Variants in MAP4K3 observed in about 807,000 individuals in gnomAD.
MAP4K3 encodes the protein MAPK/ERK kinase kinase kinase 3.
In MAP4K3, 94 loss-of-function variants were observed where a neutral mutation model predicts 143.5. The ratio of observed to expected loss-of-function variants is 0.65; its 90% confidence interval spans 0.55 to 0.78. MAP4K3 has a LOEUF of 0.78. Among genes scored for constraint, MAP4K3 ranks in the 30% least tolerant of loss-of-function variants. The pLI is 0.00. For missense variants in MAP4K3, 1,077 were observed against 1,068.1 expected, an observed-to-expected ratio of 1.01 and a Z score of -0.12; for synonymous variants, 416 against 347.2, an observed-to-expected ratio of 1.20 and a Z score of -2.20.
At chr2:39,254,638 C>G (rs1680278235) in intron 31 of MAP4K3, 118 bp from the exon 32 acceptor site, 1 of 673,920 alleles carries the variant, frequency 1.5e-6, no homozygotes, top group Non-Finnish European at 2.6e-6. Flanking sequence ...GTCAGCTATT[C>G]CATATTTATA....
chr2:39,254,592 CTA>C (rs1680275166), intron 31 of MAP4K3, 72 bp from the exon 32 acceptor site: 2 of 1,027,898 alleles, frequency 1.9e-6, no homozygotes, highest in Non-Finnish European at 1.5e-6. Context: ...TTTCATCCCT[CTA>C]TCTCATACAG....
chr2:39,398,029 T>C (rs926860850), intron 1 of MAP4K3, among the ~76,000 whole-genome samples: 1 of 151,954 alleles, frequency 6.6e-6, no homozygotes, highest in African/African-American at 2.4e-5. Context: ...CCCTCATATA[T>C]TGCTGCTGAA....
At chr2:39,274,665 C>G (rs1681173452) in intron 24 of MAP4K3, among the ~76,000 whole-genome samples, 1 of 152,112 alleles carries the variant, frequency 6.6e-6, no homozygotes, top group Admixed American at 6.5e-5. Context: ...CTTCTATATT[C>G]TGCCTAGACT....
At position 39,337,449 on chromosome 2, in the gene MAP4K3, T is replaced by C. The variant is rs1251197082; in HGVS notation, c.366+77A>G. On this transcript the variant is annotated intron_variant, in intron 5 of 33. Transcript: ENST00000263881. The stretch of plus-strand genomic sequence containing the variant: ...AAACTAAAATATTTAGTTCTTACTT[T>C]GCTGAACAGGTAATGCACAGTAAGT... The C allele has an allele frequency of 4.0e-6, 4 of 1,012,620 alleles. No individual in the cohort carries two copies. In the Middle Eastern group the frequency reaches 9.5e-4, roughly 239 times the overall value. The allele number at this position is 1,012,620 out of a possible 1,614,324, so 62.7% of individuals were successfully genotyped here.
At chr2:39,268,155 C>T (rs561763890) in intron 26 of MAP4K3, among the ~76,000 whole-genome samples, 10 of 151,992 alleles carry the variant, frequency 6.6e-5, no homozygotes, top group Non-Finnish European at 1.3e-4. Flanking sequence ...ACATCTGACT[C>T]GAATTTAATA....
At chr2:39,258,257 C>CTTAATAATATCAATCT in intron 31 of MAP4K3, 91 bp downstream of exon 31, 1 of 914,846 alleles carries the variant, frequency 1.1e-6, no homozygotes, top group East Asian at 2.7e-5. Context: ...AAAAAAGAAT[C>CTTAATAATATCAATCT]TTAATAATAT....
At chr2:39,373,254 A>T (rs1186218038) in intron 2 of MAP4K3, among the ~76,000 whole-genome samples, 4 of 152,220 alleles carry the variant, frequency 2.6e-5, no homozygotes, top group African/African-American at 9.6e-5. Flanking sequence ...ATCTCCCCTT[A>T]TTCAAAATGC....
intron 2 of MAP4K3, among the ~76,000 whole-genome samples, chr2:39,372,685 G>A (rs1265501125): frequency 6.6e-6 from 1 of 152,042 alleles, no homozygotes; most frequent in Non-Finnish European, 1.5e-5. Flanking sequence ...CATACACTGG[G>A]GAAAGGACAG....
intron 26 of MAP4K3, among the ~76,000 whole-genome samples, chr2:39,269,526 G>C (rs1391799819): frequency 4.8e-5 from 7 of 144,666 alleles, no homozygotes; most frequent in Non-Finnish European, 8.9e-5. Context: ...CCAGGATGGA[G>C]TGCAGTGGCT....
chr2:39,307,575 G>A (rs553654383), intron 15 of MAP4K3, among the ~76,000 whole-genome samples: 26 of 151,186 alleles, frequency 1.7e-4, no homozygotes, highest in South Asian at 6.2e-4. Context: ...CATATGAATT[G>A]TTTATATATA....
At chr2:39,312,903 T>A (rs1459644671) in intron 13 of MAP4K3, among the ~76,000 whole-genome samples, 3 of 152,228 alleles carry the variant, frequency 2.0e-5, no homozygotes, top group African/African-American at 7.2e-5. Flanking sequence ...TATTGCCACC[T>A]GTGAACATGC....
chr2:39,280,555 C>G (rs1253608813), intron 22 of MAP4K3, among the ~76,000 whole-genome samples, 199 bp from the exon 23 acceptor site: 1 of 151,624 alleles, frequency 6.6e-6, no homozygotes, highest in Non-Finnish European at 1.5e-5. Context: ...TTTCCAGGTG[C>G]CACAATAATT....
chr2:39,316,924 C>A (rs566100456), intron 12 of MAP4K3, among the ~76,000 whole-genome samples: 1 of 151,850 alleles, frequency 6.6e-6, no homozygotes, highest in African/African-American at 2.4e-5. Flanking sequence ...ATAAAATTCA[C>A]GTGGAATCAA....
chr2:39,386,455 G>C (rs1409060843), intron 1 of MAP4K3, among the ~76,000 whole-genome samples: 1 of 152,110 alleles, frequency 6.6e-6, no homozygotes, highest in Non-Finnish European at 1.5e-5. Context: ...TGTGCTTTTG[G>C]TATCACATCC....
intron 12 of MAP4K3, among the ~76,000 whole-genome samples, chr2:39,321,254 C>T (rs1457849032): frequency 6.6e-6 from 1 of 152,174 alleles, no homozygotes; most frequent in Non-Finnish European, 1.5e-5. Flanking sequence ...AAAAATTCTT[C>T]TGCCTTGACA....
At chr2:39,273,759 T>C (rs1056640324) in intron 24 of MAP4K3, among the ~76,000 whole-genome samples, 30 of 152,294 alleles carry the variant, frequency 2.0e-4, no homozygotes, top group Admixed American at 1.7e-3. Context: ...GCCAATACAG[T>C]TTTTTAATTT....
chr2:39,402,241 G>A (rs1164103737), intron 1 of MAP4K3, among the ~76,000 whole-genome samples: 1 of 152,166 alleles, frequency 6.6e-6, no homozygotes, highest in African/African-American at 2.4e-5. Flanking sequence ...AGAAACTACA[G>A]TCTTTTCTCT....
At chr2:39,388,416 G>A (rs868051781) in intron 1 of MAP4K3, among the ~76,000 whole-genome samples, 5 of 152,302 alleles carry the variant, frequency 3.3e-5, no homozygotes, top group Non-Finnish European at 5.9e-5. Context: ...AAGAGATGTA[G>A]TATAAACAGC....
chr2:39,284,830 C>T (rs1681693326), intron 21 of MAP4K3, among the ~76,000 whole-genome samples: 1 of 150,934 alleles, frequency 6.6e-6, no homozygotes. Context: ...GGCGACAGAG[C>T]GAGACTCCAT....
Sources: gnomAD v4.1 joint callset for allele counts (sites outside exome capture counted in the v4.1 genomes callset) on GRCh38, gnomAD v4.1.1 for gene constraint, MANE v1.5 for transcripts, NCBI Gene and HGNC (gene_info 2026-07-23, HGNC 2026-07-21) for gene names.